Variants in VEPH1 observed in about 807,000 individuals in gnomAD.
The protein encoded by VEPH1 is ventricular zone expressed PH domain containing 1, also known as ventricular zone-expressed PH domain-containing protein homolog 1.
Under a neutral mutation model 85.2 loss-of-function variants are expected in VEPH1, and 80 were observed. The observed-to-expected ratio is 0.94, with a 90% CI of 0.78 to 1.13. VEPH1 has a LOEUF of 1.13. Among genes scored for constraint, VEPH1 ranks in the 50% most tolerant of loss-of-function variants. The pLI is 0.00. For synonymous variants in VEPH1, 297 were observed against 348.0 expected (o/e 0.85, Z 1.63); for missense variants, 955 against 980.5 (o/e 0.97, Z 0.35).
chr3:157,491,943 T>C (rs1358715380), intron 2 of VEPH1, among the ~76,000 whole-genome samples: 1 of 152,138 alleles, frequency 6.6e-6, no homozygotes, highest in Non-Finnish European at 1.5e-5. Context: ...TGGGCAATGA[T>C]AAATTACAAT....
intron 2 of VEPH1, among the ~76,000 whole-genome samples, chr3:157,491,162 G>T (rs1739180177): frequency 6.6e-6 from 1 of 152,158 alleles, no homozygotes; most frequent in Non-Finnish European, 1.5e-5. Context: ...TGAGGGAGGA[G>T]AATTGGATTA....
intron 2 of VEPH1, among the ~76,000 whole-genome samples, chr3:157,494,864 G>A (rs987654500): frequency 3.3e-5 from 5 of 152,062 alleles, no homozygotes; most frequent in African/African-American, 1.2e-4. Context: ...ATGCTGCTCT[G>A]CAGGTCTGCT....
In VEPH1 at chr3:157,339,617, A is replaced by T. The variant is rs1723312327; in HGVS notation, c.1736-22416T>A. On this transcript the variant is annotated intron_variant, in intron 9 of 13. Coordinates refer to ENST00000362010, the MANE Select transcript of VEPH1 (RefSeq NM_001167912.2). Reference sequence around the variant, plus strand: ...TACTCTCCCGTGTCTCTAAATCCTCATCTGTCTGGAGAACATCAGACCCTT... The same window carrying T: ...TACTCTCCCGTGTCTCTAAATCCTCTTCTGTCTGGAGAACATCAGACCCTT... Among the ~76,000 whole-genome samples, 3 of 152,116 alleles carry T rather than the reference A, an allele frequency of 2.0e-5. No individual in the cohort carries two copies. In the South Asian group the frequency reaches 6.2e-4, roughly 31 times the overall value.
chr3:157,303,786 C>T (rs1269720816), intron 11 of VEPH1, among the ~76,000 whole-genome samples: 1 of 151,928 alleles, frequency 6.6e-6, no homozygotes, highest in Admixed American at 6.6e-5. Context: ...TTTACCTCAC[C>T]ATTGCCACTT....
chr3:157,356,151 G>A (rs910946323), intron 9 of VEPH1, among the ~76,000 whole-genome samples: 2 of 151,992 alleles, frequency 1.3e-5, no homozygotes, highest in East Asian at 3.9e-4. Flanking sequence ...CACCCACCTC[G>A]GCTTTCCAGT....
At chr3:157,366,501 G>A (rs1419300162) in intron 7 of VEPH1, among the ~76,000 whole-genome samples, 3 of 152,088 alleles carry the variant, frequency 2.0e-5, no homozygotes, top group Admixed American at 6.6e-5. Flanking sequence ...TTGGGAGGCC[G>A]AGGTGGGTGG....
chr3:157,448,958 G>A (rs925380404), intron 4 of VEPH1, among the ~76,000 whole-genome samples: 4 of 152,202 alleles, frequency 2.6e-5, no homozygotes, highest in East Asian at 1.9e-4. Context: ...GAGATGTGAT[G>A]GTTTTATAAG....
intron 5 of VEPH1, among the ~76,000 whole-genome samples, chr3:157,417,154 C>T (rs1731985001): frequency 6.6e-6 from 1 of 151,940 alleles, no homozygotes; most frequent in African/African-American, 2.4e-5. Flanking sequence ...AATTTATCCA[C>T]ACATGAGAAA....
At position 157,261,203 on chromosome 3, in the gene VEPH1, G is replaced by A. The variant is rs747132832; in HGVS notation, c.2433C>T (p.Leu811=). 6.2e-7 allele frequency: 1 copy of A among 1,613,800 alleles called. No homozygotes were observed. Among genetic ancestry groups the A allele is most frequent in the Non-Finnish European group, 8.5e-7 (1 of 1,179,798 alleles). Residue 811 remains leucine (L), a synonymous_variant, in exon 14 of 14, where the codon CTC becomes CTT. Transcript: ENST00000362010. The stretch of plus-strand genomic sequence containing the variant: ...GGGCAACTGCCACGTTGATGCACTG[G>A]AGCCATTCTTCTGCATTCTTCTCAT... ...AKDEKNAEEW[L]QCINVAVAQA... is the part of the protein sequence containing the mutation.
chr3:157,340,194 C>T (rs777145590), intron 9 of VEPH1, among the ~76,000 whole-genome samples: 2 of 152,140 alleles, frequency 1.3e-5, no homozygotes, highest in African/African-American at 4.8e-5. Flanking sequence ...TGGGTGCAGC[C>T]CACTGAGTGT....
At chr3:157,481,465 C>A (rs9831538) in intron 2 of VEPH1, among the ~76,000 whole-genome samples, 1,704 of 63,062 alleles carry the variant, frequency 0.027, 33 homozygotes, top group Non-Finnish European at 0.035. Context: ...CACACACACA[C>A]AAAAAAAAAA....
At chr3:157,381,463 G>T in intron 6 of VEPH1, 87 bp from the exon 7 acceptor site, 2 of 1,367,718 alleles carry the variant, frequency 1.5e-6, no homozygotes, top group South Asian at 1.3e-5. Context: ...CCAGCACTTT[G>T]GGAGGCTGAG....
chr3:157,328,450 A>C (rs1300214615), intron 9 of VEPH1, among the ~76,000 whole-genome samples: 1 of 152,184 alleles, frequency 6.6e-6, no homozygotes, highest in Non-Finnish European at 1.5e-5. Flanking sequence ...AGTGTCCTGA[A>C]ATGTTCACCT....
intron 2 of VEPH1, among the ~76,000 whole-genome samples, chr3:157,473,067 CTTTTTT>C (rs200991031): frequency 1.2e-5 from 1 of 82,676 alleles, no homozygotes; most frequent in African/African-American, 5.7e-5. Context: ...TTAAATGAAC[CTTTTTT>C]TTTTTTTTTT....
chr3:157,429,937 C>T (rs993003974), intron 4 of VEPH1, among the ~76,000 whole-genome samples: 2 of 152,188 alleles, frequency 1.3e-5, no homozygotes, highest in African/African-American at 4.8e-5. Flanking sequence ...AAGGGAAAAA[C>T]CCCAGATTAG....
At chr3:157,389,636 TAGATA>T (rs1338198053) in intron 6 of VEPH1, among the ~76,000 whole-genome samples, 1 of 15,340 alleles carries the variant, frequency 6.5e-5, no homozygotes, top group African/African-American at 3.7e-4. Context: ...AGCAGATAGA[TAGATA>T]GATAGATAGA....
chr3:157,307,957 T>C (rs1719695107), intron 11 of VEPH1, among the ~76,000 whole-genome samples: 2 of 151,836 alleles, frequency 1.3e-5, no homozygotes, highest in South Asian at 2.1e-4. Flanking sequence ...TAGTCTTTAC[T>C]GCTATTATAG....
At chr3:157,462,485 C>T (rs533154803) in intron 3 of VEPH1, among the ~76,000 whole-genome samples, 14 of 152,226 alleles carry the variant, frequency 9.2e-5, no homozygotes, top group South Asian at 2.1e-4. Context: ...AATATAAAAA[C>T]GGTGGTGACA....
At chr3:157,403,452 T>C (rs968235649) in intron 6 of VEPH1, among the ~76,000 whole-genome samples, 15 of 152,140 alleles carry the variant, frequency 9.9e-5, no homozygotes, top group African/African-American at 3.4e-4. Context: ...ATCTTTTTTT[T>C]CTTTTATTTT....
Sources: gnomAD v4.1 joint callset for allele counts (sites outside exome capture counted in the v4.1 genomes callset) on GRCh38, gnomAD v4.1.1 for gene constraint, MANE v1.5 for transcripts, NCBI Gene and HGNC (gene_info 2026-07-23, HGNC 2026-07-21) for gene names.